CCDC178: variants seen among roughly 807,000 people sequenced by gnomAD.
CCDC178 encodes coiled-coil domain containing 178, also known as coiled-coil domain-containing protein 178.
In CCDC178, 126 loss-of-function variants were observed where a neutral mutation model predicts 117.4. That is an observed-to-expected ratio of 1.07 (90% CI 0.93 to 1.24). The LOEUF is 1.24. Ranked by LOEUF, CCDC178 falls within the 50% of genes most tolerant of loss-of-function variation. The probability of loss-of-function intolerance (pLI) is 0.00; values close to 1 mark genes in which losing one functional copy is unlikely to be tolerated. For missense variants in CCDC178, 1,030 were observed against 986.9 expected (o/e 1.04, Z -0.59); for synonymous variants, 283 against 313.4 (o/e 0.90, Z 1.02).
At chr18:33,051,074 A>T (rs2056739736) in intron 21 of CCDC178, among the ~76,000 whole-genome samples, 1 of 152,052 alleles carries the variant, frequency 6.6e-6, no homozygotes, top group East Asian at 1.9e-4. Context: ...CACCTCGCCC[A>T]GCTAATTTTT....
chr18:33,261,169 C>T lies in CCDC178; in HGVS notation c.1409+5747G>A, dbSNP rs564201186. ...CACGAGCTCGGCTCACTGCGAGCTC[C>T]GCCTCCTGGGTTCACGCCATTCTCC... On this transcript the variant is annotated intron_variant, in intron 14 of 22. Transcript: ENST00000383096. Among the ~76,000 whole-genome samples, 10 of 152,158 alleles carry T rather than the reference C, an allele frequency of 6.6e-5. No homozygotes were observed. In the South Asian group the frequency reaches 1.9e-3, roughly 28 times the overall value.
At chr18:33,226,532 A>C (rs1345794960) in intron 16 of CCDC178, among the ~76,000 whole-genome samples, 1 of 152,244 alleles carries the variant, frequency 6.6e-6, no homozygotes, top group Non-Finnish European at 1.5e-5. Flanking sequence ...CTTAAAAATA[A>C]GATCCCACTG....
At chr18:33,309,844 A>C (rs72948852) in intron 11 of CCDC178, among the ~76,000 whole-genome samples, 3,473 of 152,252 alleles carry the variant, frequency 0.023, 54 homozygotes, top group Non-Finnish European at 0.034. Flanking sequence ...TTTGCATAAG[A>C]AATGTTATAA....
chr18:33,089,113 C>T (rs1056439049), intron 21 of CCDC178, among the ~76,000 whole-genome samples: 1 of 151,986 alleles, frequency 6.6e-6, no homozygotes, highest in Non-Finnish European at 1.5e-5. Flanking sequence ...GAAAAAGTGG[C>T]TCCAATGAAA....
At chr18:33,220,288 G>A (rs1014504921) in intron 18 of CCDC178, among the ~76,000 whole-genome samples, 18 of 151,992 alleles carry the variant, frequency 1.2e-4, no homozygotes, top group Non-Finnish European at 5.9e-5. Context: ...TATTTGAACT[G>A]TGCCTTTTAT....
At chr18:33,097,953 T>A (rs1342277700) in intron 20 of CCDC178, among the ~76,000 whole-genome samples, 5 of 152,084 alleles carry the variant, frequency 3.3e-5, no homozygotes, top group African/African-American at 9.7e-5. Context: ...TCTGACGCAT[T>A]CCCTGGCAAG....
At chr18:33,055,619 A>G (rs921642936) in intron 21 of CCDC178, among the ~76,000 whole-genome samples, 1 of 152,126 alleles carries the variant, frequency 6.6e-6, no homozygotes, top group African/African-American at 2.4e-5. Flanking sequence ...TTGAGCCACC[A>G]TGCCCAGCCA....
At chr18:33,002,609 C>T (rs1360670183) in intron 21 of CCDC178, among the ~76,000 whole-genome samples, 1 of 151,610 alleles carries the variant, frequency 6.6e-6, no homozygotes, top group East Asian at 1.9e-4. Flanking sequence ...AACAACCTAA[C>T]AACGCATCTT....
chr18:33,092,680 C>G, intron 21 of CCDC178, 81 bp downstream of exon 21: 1 of 893,428 alleles, frequency 1.1e-6, no homozygotes, highest in East Asian at 2.7e-5. Flanking sequence ...AGATCAGAGG[C>G]ACCCAAACTG....
chr18:33,084,466 A>G (rs443593), intron 21 of CCDC178, among the ~76,000 whole-genome samples: 21,633 of 152,068 alleles, frequency 0.14, 2,386 homozygotes, highest in African/African-American at 0.31. Flanking sequence ...AGCTATTGCA[A>G]ATGAGATCTT....
At chr18:33,049,529 AAT>A (rs1481542587) in intron 21 of CCDC178, among the ~76,000 whole-genome samples, 2 of 152,090 alleles carry the variant, frequency 1.3e-5, no homozygotes, top group African/African-American at 4.8e-5. Context: ...GACATTTGTT[AAT>A]AGTTGTTTTT....
At chr18:33,418,315 C>T (rs1379080145) in intron 2 of CCDC178, among the ~76,000 whole-genome samples, 1 of 152,040 alleles carries the variant, frequency 6.6e-6, no homozygotes, top group Admixed American at 6.6e-5. Flanking sequence ...CTTCAACAAA[C>T]CTGGCATCAA....
At chr18:32,994,296 A>G (rs1055079915) in intron 21 of CCDC178, among the ~76,000 whole-genome samples, 6 of 152,218 alleles carry the variant, frequency 3.9e-5, no homozygotes, top group Admixed American at 1.3e-4. Flanking sequence ...ACATAAGTGC[A>G]TATTTCACAA....
chr18:33,331,898 A>G (rs1272407521), intron 10 of CCDC178, among the ~76,000 whole-genome samples: 2 of 152,226 alleles, frequency 1.3e-5, no homozygotes, highest in Admixed American at 1.3e-4. Context: ...ATTCACATGC[A>G]GATACAGAGG....
At chr18:33,079,465 TA>T (rs1235071013) in intron 21 of CCDC178, among the ~76,000 whole-genome samples, 1 of 151,962 alleles carries the variant, frequency 6.6e-6, no homozygotes, top group Non-Finnish European at 1.5e-5. Context: ...CACAGCAAAA[TA>T]AAACTATCAA....
chr18:33,356,192 A>G, intron 7 of CCDC178, 132 bp downstream of exon 7: 1 of 888,298 alleles, frequency 1.1e-6, no homozygotes, highest in Non-Finnish European at 1.6e-6. Context: ...TAAAAAATAT[A>G]TTGCAATATC....
chr18:33,410,277 T>C (rs1223316516), intron 3 of CCDC178, among the ~76,000 whole-genome samples: 1 of 152,206 alleles, frequency 6.6e-6, no homozygotes, highest in Non-Finnish European at 1.5e-5. Flanking sequence ...TAAATATGAG[T>C]TACACACCTG....
intron 22 of CCDC178, among the ~76,000 whole-genome samples, chr18:32,949,398 C>T (rs994927430): frequency 6.6e-6 from 1 of 152,080 alleles, no homozygotes; most frequent in African/African-American, 2.4e-5. Context: ...TGACTGATGA[C>T]ATCTTACAGC....
chr18:33,362,796 T>C (rs1391791076), intron 6 of CCDC178, among the ~76,000 whole-genome samples: 1 of 151,940 alleles, frequency 6.6e-6, no homozygotes, highest in African/African-American at 2.4e-5. Flanking sequence ...TTAATGGATA[T>C]GGGGTTTTAT....
Sources: gnomAD v4.1 joint callset for allele counts (sites outside exome capture counted in the v4.1 genomes callset) on GRCh38, gnomAD v4.1.1 for gene constraint, MANE v1.5 for transcripts, NCBI Gene and HGNC (gene_info 2026-07-23, HGNC 2026-07-21) for gene names.